The following CBL variants were observed in gnomAD, a reference collection of about 807,000 sequenced individuals.
CBL encodes Cbl proto-oncogene.
A neutral mutation model predicts 96.9 loss-of-function variants in CBL; 45 were observed. The ratio of observed to expected loss-of-function variants is 0.46; its 90% CI spans 0.37 to 0.60. The LOEUF is 0.60. Ranked by LOEUF, CBL falls within the 20% of genes least tolerant of loss-of-function variation. CBL has a pLI of 0.00. For missense variants in CBL, 1,024 were observed against 1,143.5 expected, an observed-to-expected ratio of 0.90 and a Z score of 1.51; for synonymous variants, 420 against 426.8, an observed-to-expected ratio of 0.98 and a Z score of 0.20.
At chr11:119,245,821 T>C (rs1045979569) in intron 2 of CBL, among the ~76,000 whole-genome samples, 12 of 149,360 alleles carry the variant, frequency 8.0e-5, no homozygotes, top group African/African-American at 3.1e-4. Flanking sequence ...CCTGGCTAAT[T>C]TTTAAATTTT....
intron 1 of CBL, among the ~76,000 whole-genome samples, chr11:119,222,564 CA>C (rs1393919324): frequency 6.6e-5 from 10 of 152,258 alleles, no homozygotes; most frequent in Non-Finnish European, 1.5e-5. Flanking sequence ...AAAAGGCAGC[CA>C]TTTTTGCCAC....
In CBL at chr11:119,308,067, CAGTT is replaced by C. The variant is rs563997189; in HGVS notation, c.*8292_*8295del. Reference sequence around the variant, plus strand: ...ATTAATTTTTTTTCATTTCCATACACAGTTAGTTAACTAAAGAGCTTTTTCAAGC... The same window carrying C: ...ATTAATTTTTTTTCATTTCCATACACAGTTAACTAAAGAGCTTTTTCAAGC... On this transcript the variant is annotated 3_prime_UTR_variant, in exon 16 of 16. Coordinates refer to ENST00000264033, the MANE Select transcript of CBL (RefSeq NM_005188.4). 1.0e-3 allele frequency: 181 copies of C among 177,886 alleles called. 1 individual carries two copies. The highest frequency in any genetic ancestry group is 1.6e-3 in the Non-Finnish European group (131 of 82,432). The allele number at this position is 177,886 out of a possible 1,614,324, so 11.0% of individuals were successfully genotyped here. A position where few individuals can be genotyped will look rare whatever the true frequency, so the allele number is the denominator to read the frequency against.
intron 1 of CBL, among the ~76,000 whole-genome samples, chr11:119,219,552 TTGA>T (rs1949391452): frequency 6.6e-6 from 1 of 152,050 alleles, no homozygotes; most frequent in Non-Finnish European, 1.5e-5. Context: ...TATCCTTGGT[TTGA>T]GGCAACCACT....
intron 2 of CBL, among the ~76,000 whole-genome samples, chr11:119,255,465 G>C (rs568950378): frequency 6.6e-6 from 1 of 152,274 alleles, no homozygotes; most frequent in Non-Finnish European, 1.5e-5. Context: ...TGTTACTGCA[G>C]TGAATTGTTC....
intron 2 of CBL, among the ~76,000 whole-genome samples, chr11:119,253,518 A>C (rs1436032411): frequency 1.4e-4 from 1 of 7,368 alleles, no homozygotes; most frequent in East Asian, 3.9e-3. Flanking sequence ...AAAGTCACCC[A>C]GGCTGGACGA....
chr11:119,233,745 T>C (rs1565860040), intron 2 of CBL, among the ~76,000 whole-genome samples: 1 of 152,214 alleles, frequency 6.6e-6, no homozygotes, highest in Non-Finnish European at 1.5e-5. Flanking sequence ...AAATTATTCT[T>C]GAGTAGTGAC....
At chr11:119,236,068 T>C (rs1482087210) in intron 2 of CBL, among the ~76,000 whole-genome samples, 1 of 152,194 alleles carries the variant, frequency 6.6e-6, no homozygotes, top group African/African-American at 2.4e-5. Context: ...AATTGAGATA[T>C]AATTCACATA....
chr11:119,206,686 A>G, intron 1 of CBL, 74 bp downstream of exon 1: 1 of 1,274,224 alleles, frequency 7.8e-7, no homozygotes, highest in Admixed American at 2.3e-5. Flanking sequence ...GAACGAGCGG[A>G]CGGAGGAAGC....
At chr11:119,267,291 C>T (rs555583053) in intron 2 of CBL, among the ~76,000 whole-genome samples, 18 of 152,292 alleles carry the variant, frequency 1.2e-4, no homozygotes, top group Middle Eastern at 3.4e-3. Context: ...GCACTTTGAA[C>T]TGCTCTTAGG....
intron 1 of CBL, among the ~76,000 whole-genome samples, chr11:119,230,929 T>A (rs1432281363): frequency 6.6e-6 from 1 of 152,380 alleles, no homozygotes; most frequent in East Asian, 1.9e-4. Flanking sequence ...ATTGGATTTT[T>A]AAATTCTATC....
rs879337775 is a variant in CBL at position 119,219,919 on chromosome 11, G to A, written c.196-12529G>A. Among the ~76,000 whole-genome samples the A allele has an allele frequency of 2.7e-4, 39 of 144,200 alleles. 1 individual carries two copies. The highest frequency in any genetic ancestry group is 4.1e-4 in the Non-Finnish European group (27 of 66,308). 94.6% of individuals were successfully genotyped at this position (144,200 alleles called of 152,430 possible). A position where few individuals can be genotyped will look rare whatever the true frequency, so the allele number is the denominator to read the frequency against. On this transcript the variant is annotated intron_variant, in intron 1 of 15. Transcript: ENST00000264033. ...GGCTGTAGTGCAGTGGCGTGATCTC[G>A]GCTCACTGCAACCTCCGCCTCCCGG...
chr11:119,241,675 G>C (rs1359855452), intron 2 of CBL, among the ~76,000 whole-genome samples: 1 of 152,170 alleles, frequency 6.6e-6, no homozygotes, highest in Non-Finnish European at 1.5e-5. Context: ...TCTTCTGGTA[G>C]GTAATGGCAG....
intron 2 of CBL, among the ~76,000 whole-genome samples, chr11:119,244,712 G>C (rs1371194833): frequency 1.3e-5 from 2 of 151,774 alleles, no homozygotes; most frequent in Admixed American, 6.6e-5. Context: ...CTCCCGAGTA[G>C]CTGAATTTTT....
chr11:119,301,799 C>G lies in CBL; in HGVS notation c.*2018C>G, dbSNP rs775010080. 1.3e-5 allele frequency: 3 copies of G among 233,234 alleles called. No individual in the cohort carries two copies. In the South Asian group the frequency reaches 5.4e-4, roughly 42 times the overall value. 14.4% of individuals were successfully genotyped at this position (233,234 alleles called of 1,614,324 possible). ...ATGGCAGTGAATATCAAACAGTAGA[C>G]CGCCATCAACTTCTAACAGCCAGTA... is the stretch of plus-strand genomic sequence containing the variant. On this transcript the variant is annotated 3_prime_UTR_variant, in exon 16 of 16. Coordinates refer to ENST00000264033, the MANE Select transcript of CBL (RefSeq NM_005188.4).
At position 119,301,666 on chromosome 11, in the gene CBL, G is replaced by C. The variant is rs939524300; in HGVS notation, c.*1885G>C. 4.3e-6 allele frequency: 1 copy of C among 233,244 alleles called. No individual in the cohort carries two copies. The highest frequency in any genetic ancestry group is 8.5e-6 in the Non-Finnish European group (1 of 118,036). 14.4% of individuals were successfully genotyped at this position (233,244 alleles called of 1,614,324 possible). A position where few individuals can be genotyped will look rare whatever the true frequency, so the allele number is the denominator to read the frequency against. On this transcript the variant is annotated 3_prime_UTR_variant, in exon 16 of 16. Coordinates refer to ENST00000264033, the MANE Select transcript of CBL (RefSeq NM_005188.4). ...CCCAGAGTAGGCAGTACAGGATCTC[G>C]TGTTGATTTGCTGTGGTTACCCAGT...
At chr11:119,275,055 C>A in intron 5 of CBL, 102 bp downstream of exon 5, 1 of 1,164,488 alleles carries the variant, frequency 8.6e-7, no homozygotes, top group Non-Finnish European at 1.3e-6. Context: ...TCGCAATAGC[C>A]AAGGTTCTGC....
At chr11:119,285,690 T>G in intron 11 of CBL, 124 bp downstream of exon 11, 1 of 1,079,704 alleles carries the variant, frequency 9.3e-7, no homozygotes, top group Non-Finnish European at 1.4e-6. Flanking sequence ...GAGCCGAGGA[T>G]TTCGAGACCA....
At chr11:119,246,938 A>G (rs1949636263) in intron 2 of CBL, among the ~76,000 whole-genome samples, 1 of 152,222 alleles carries the variant, frequency 6.6e-6, no homozygotes, top group Admixed American at 6.5e-5. Flanking sequence ...ATATTGATAT[A>G]TATCAAAACA....
Position 119,278,506 on chromosome 11 carries a change from G to A in CBL, c.1228-4G>A, listed in dbSNP as rs1452002905. 6.2e-7 allele frequency: 1 copy of A among 1,613,124 alleles called. No individual in the cohort carries two copies. Among genetic ancestry groups the A allele is most frequent in the Admixed American group, 1.7e-5 (1 of 59,984 alleles). On this transcript the variant is annotated splice_polypyrimidine_tract_variant and splice_region_variant and intron_variant, in intron 8 of 15. Coordinates refer to ENST00000264033, the MANE Select transcript of CBL (RefSeq NM_005188.4). Reference sequence around the variant, plus strand: ...TCTGTTACTATCTTTTGCTTCTTCTGCAGGAATCAGAAGGTCAGGGCTGTC... The same window carrying A: ...TCTGTTACTATCTTTTGCTTCTTCTACAGGAATCAGAAGGTCAGGGCTGTC...
Sources: allele counts gnomAD v4.1 joint callset (sites outside exome capture counted in the v4.1 genomes callset), GRCh38; gene constraint gnomAD v4.1.1; transcripts MANE v1.5; gene names NCBI Gene and HGNC (gene_info 2026-07-23, HGNC 2026-07-21).